NSUN2: variants seen among roughly 807,000 people sequenced by gnomAD.
NSUN2 encodes the protein RNA cytosine C(5)-methyltransferase NSUN2.
NSUN2 carries 63 observed loss-of-function variants against 92.7 expected under a neutral mutation model. The observed-to-expected ratio is 0.68, with a 90% CI of 0.56 to 0.84. The LOEUF (loss-of-function observed/expected upper bound fraction) is 0.84, where lower values mean the gene tolerates loss of function less well. Among genes scored for constraint, NSUN2 ranks in the 40% least tolerant of loss-of-function variants. NSUN2 has a pLI of 0.00. For missense variants in NSUN2, 989 were observed against 964.9 expected, an observed-to-expected ratio of 1.02 and a Z score of -0.33; for synonymous variants, 356 against 348.3, an observed-to-expected ratio of 1.02 and a Z score of -0.25.
chr5:6,624,910 T>C (rs778955462), intron 4 of NSUN2, among the ~76,000 whole-genome samples: 23 of 152,158 alleles, frequency 1.5e-4, no homozygotes, highest in African/African-American at 5.6e-4. Context: ...ATTTAGTACA[T>C]AAGCAAATAG....
At chr5:6,618,545 AT>A (rs1182874275) in intron 7 of NSUN2, among the ~76,000 whole-genome samples, 1 of 152,174 alleles carries the variant, frequency 6.6e-6, no homozygotes, top group African/African-American at 2.4e-5. Flanking sequence ...CTAAAATACT[AT>A]TGAAAAACTC....
Position 6,606,697 on chromosome 5 carries a change from TAA to T in NSUN2, c.1601+121_1601+122del, listed in dbSNP as rs3996725. On this transcript the variant is annotated intron_variant, in intron 14 of 18. Coordinates refer to ENST00000264670, the MANE Select transcript of NSUN2 (RefSeq NM_017755.6). ...TGCTCTAATATGCAGTTAAAAAGGT[TAA>T]AAAAAAAAAAAAAGCTAGACAGAAC... 26,221 of 466,954 alleles carry T rather than the reference TAA, an allele frequency of 0.056. 1,911 individuals carry two copies. The highest frequency in any genetic ancestry group is 0.29 in the African/African-American group (13,856 of 47,834). 28.9% of individuals were successfully genotyped at this position (466,954 alleles called of 1,614,324 possible). A position where few individuals can be genotyped will look rare whatever the true frequency, so the allele number is the denominator to read the frequency against.
intron 11 of NSUN2, 131 bp downstream of exon 11, chr5:6,610,824 C>G: frequency 9.3e-7 from 1 of 1,079,974 alleles, no homozygotes; most frequent in Non-Finnish European, 1.3e-6. Flanking sequence ...ATGGGGTTGA[C>G]CCTGGCATAA....
At chr5:6,614,769 C>T (rs1272959161) in intron 9 of NSUN2, among the ~76,000 whole-genome samples, 1 of 152,052 alleles carries the variant, frequency 6.6e-6, no homozygotes, top group Non-Finnish European at 1.5e-5. Flanking sequence ...GACAATTTTG[C>T]GGTAATGAGA....
In NSUN2 at chr5:6,610,928, C is replaced by G. The variant is rs758880399; in HGVS notation, c.1226+27G>C. ...GATGGGGCTTAACCTTCCCCCCTCC[C>G]CACACCTGGAGGCCCCACCAGCTCA... On this transcript the variant is annotated intron_variant, in intron 11 of 18. Transcript: ENST00000264670. 5 of 1,613,124 alleles carry G rather than the reference C, an allele frequency of 3.1e-6. No individual in the cohort carries two copies. The South Asian group carries it at 5.5e-5, about 18-fold the overall frequency.
At chr5:6,630,258 C>T (rs1194962266) in intron 3 of NSUN2, among the ~76,000 whole-genome samples, 2 of 152,182 alleles carry the variant, frequency 1.3e-5, no homozygotes, top group East Asian at 3.8e-4. Context: ...TATCATTTTC[C>T]TATACTGTAC....
At chr5:6,601,830 C>T (rs541133782) in intron 18 of NSUN2, among the ~76,000 whole-genome samples, 11 of 152,300 alleles carry the variant, frequency 7.2e-5, no homozygotes, top group African/African-American at 1.7e-4. Flanking sequence ...GTCACCAAGA[C>T]GGAGCTGTTG....
chr5:6,600,928 C>T (rs562533180), intron 18 of NSUN2, among the ~76,000 whole-genome samples: 1 of 152,246 alleles, frequency 6.6e-6, no homozygotes, highest in African/African-American at 2.4e-5. Context: ...CCAGGCTCCA[C>T]CTGTCCAGCC....
chr5:6,617,904 T>C, intron 8 of NSUN2, 46 bp downstream of exon 8: 1 of 1,420,738 alleles, frequency 7.0e-7, no homozygotes, highest in Non-Finnish European at 9.9e-7. Context: ...AAATCTCTGC[T>C]GATCTACTTG....
At chr5:6,620,993 A>G (rs1425711610) in intron 6 of NSUN2, 1 of 152,252 alleles carries the variant, frequency 6.6e-6, no homozygotes, top group African/African-American at 2.4e-5. Context: ...CAGGCTTTTT[A>G]GCCAAGGCAT....
intron 14 of NSUN2, 21 bp downstream of exon 14, chr5:6,606,799 T>C: frequency 2.2e-6 from 3 of 1,360,026 alleles, no homozygotes; most frequent in Non-Finnish European, 3.1e-6. Flanking sequence ...AAATGAATAA[T>C]TAAAAAGGCT....
intron 9 of NSUN2, among the ~76,000 whole-genome samples, chr5:6,614,748 C>T (rs929931929): frequency 2.6e-5 from 4 of 152,202 alleles, no homozygotes; most frequent in African/African-American, 9.6e-5. Flanking sequence ...ACAGCATGTT[C>T]TCTGAGCGGG....
intron 6 of NSUN2, chr5:6,621,508 G>C (rs968279867): frequency 2.0e-5 from 3 of 152,220 alleles, no homozygotes; most frequent in African/African-American, 7.2e-5. Context: ...CAGCACTTTG[G>C]GAGGCCAAGG....
chr5:6,621,511 G>T (rs1317795858), intron 6 of NSUN2: 1 of 152,274 alleles, frequency 6.6e-6, no homozygotes, highest in African/African-American at 2.4e-5. Context: ...CACTTTGGGA[G>T]GCCAAGGCGG....
chr5:6,604,950 G>A, intron 15 of NSUN2: 2 of 598,254 alleles, frequency 3.3e-6, no homozygotes, highest in Non-Finnish European at 5.9e-6. Context: ...CAAGGGTCGG[G>A]GCAGCAGTAC....
In NSUN2 at chr5:6,618,028, G is replaced by A; in HGVS notation, c.816-4C>T. On this transcript the variant is annotated splice_polypyrimidine_tract_variant and splice_region_variant and intron_variant, in intron 7 of 18. Transcript: ENST00000264670. ...TTTTCTCATAGTGCCGTCTCCACTG[G>A]AAAAAAGATATTTATGAGTGCAAAG... 6.2e-7 allele frequency: 1 copy of A among 1,611,146 alleles called. No individual in the cohort carries two copies. The highest frequency in any genetic ancestry group is 2.2e-5 in the East Asian group (1 of 44,828).
intron 3 of NSUN2, among the ~76,000 whole-genome samples, chr5:6,627,091 G>A (rs1737684162): frequency 6.6e-6 from 1 of 152,102 alleles, no homozygotes; most frequent in African/African-American, 2.4e-5. Flanking sequence ...ACCCTCCAAA[G>A]GTCCCCAGCG....
intron 9 of NSUN2, among the ~76,000 whole-genome samples, chr5:6,614,892 G>C (rs1017468488): frequency 3.3e-5 from 5 of 152,238 alleles, no homozygotes; most frequent in South Asian, 2.1e-4. Flanking sequence ...GGCTTGTGTG[G>C]ACAAGAGCCT....
rs1211864526 is a variant in NSUN2 at position 6,612,752 on chromosome 5, G to GT, written c.1022-955dup. 3.9e-5 allele frequency among the ~76,000 whole-genome samples: 6 copies of GT among 152,344 alleles called. No individual in the cohort carries two copies. In the East Asian group the frequency reaches 7.7e-4, roughly 20 times the overall value. ...TTTTAAAAGCTAACAGTAAATGACA[G>GT]TGCAGGCAAACATGCGGGCTTCTCC... On this transcript the variant is annotated intron_variant, in intron 9 of 18. Transcript: ENST00000264670.
Sources: gnomAD v4.1 joint callset for allele counts (sites outside exome capture counted in the v4.1 genomes callset) on GRCh38, gnomAD v4.1.1 for gene constraint, MANE v1.5 for transcripts, NCBI Gene and HGNC (gene_info 2026-07-23, HGNC 2026-07-21) for gene names.